MAP3K7CL: variants seen among roughly 807,000 people sequenced by gnomAD.
MAP3K7CL encodes the protein MAP3K7 C-terminal-like protein.
MAP3K7CL carries 16 observed loss-of-function variants against 18.6 expected under a neutral mutation model. That is an observed-to-expected ratio of 0.86 (90% CI 0.58 to 1.31). The LOEUF (loss-of-function observed/expected upper bound fraction) is 1.31, where lower values mean the gene tolerates loss of function less well. Among genes scored for constraint, MAP3K7CL ranks in the 50% most tolerant of loss-of-function variants. MAP3K7CL has a pLI of 0.00. For synonymous variants in MAP3K7CL, 65 were observed against 66.8 expected, an observed-to-expected ratio of 0.97 and a Z score of 0.13; for missense variants, 163 against 174.4, an observed-to-expected ratio of 0.93 and a Z score of 0.37.
intron 4 of MAP3K7CL, among the ~76,000 whole-genome samples, chr21:29,115,016 G>A (rs1182765161): frequency 2.0e-5 from 3 of 152,172 alleles, no homozygotes; most frequent in Non-Finnish European, 2.9e-5. Flanking sequence ...ATCCTCAGCT[G>A]ATGCAAACCA....
chr21:29,112,263 A>G (rs1394417538), intron 4 of MAP3K7CL, among the ~76,000 whole-genome samples: 1 of 152,144 alleles, frequency 6.6e-6, no homozygotes. Flanking sequence ...ACGCCATTGC[A>G]CTCCAGCCTG....
chr21:29,102,760 T>A (rs1216769204), intron 4 of MAP3K7CL: 1 of 152,144 alleles, frequency 6.6e-6, no homozygotes, highest in East Asian at 1.9e-4. Context: ...TATAATTAGG[T>A]CATAGAATGC....
intron 1 of MAP3K7CL, among the ~76,000 whole-genome samples, chr21:29,087,708 C>T (rs559073672): frequency 2.0e-5 from 3 of 151,562 alleles, no homozygotes; most frequent in African/African-American, 7.3e-5. Context: ...ATTCTCTTGC[C>T]TCAGCCTCCT....
At chr21:29,091,697 G>T in exon 3 of MAP3K7CL, 1 of 702,164 alleles carries the variant, frequency 1.4e-6, no homozygotes, top group Non-Finnish European at 2.6e-6. Flanking sequence ...TGCCCAGGTT[G>T]GTCTTGAACA....
intron 4 of MAP3K7CL, chr21:29,109,101 A>C (rs1408039604): frequency 2.6e-6 from 4 of 1,535,174 alleles, no homozygotes; most frequent in Non-Finnish European, 3.5e-6. Flanking sequence ...TTCATTTCCA[A>C]ATTATGAAGA....
intron 1 of MAP3K7CL, among the ~76,000 whole-genome samples, chr21:29,088,838 T>A (rs2146492332): frequency 6.6e-6 from 1 of 152,300 alleles, no homozygotes; most frequent in South Asian, 2.1e-4. Context: ...GGTGTGACTG[T>A]ACCTGTGAGT....
chr21:29,137,612 A>G (rs2086914095), intron 2 of MAP3K7CL, among the ~76,000 whole-genome samples: 1 of 152,168 alleles, frequency 6.6e-6, no homozygotes, highest in African/African-American at 2.4e-5. Context: ...GCAAAACTTA[A>G]GAGTCAGGAA....
intron 2 of MAP3K7CL, among the ~76,000 whole-genome samples, chr21:29,142,363 G>T (rs1490401057): frequency 6.6e-6 from 1 of 152,154 alleles, no homozygotes; most frequent in Non-Finnish European, 1.5e-5. Flanking sequence ...CACTGCGCCT[G>T]GACAGAAGAT....
chr21:29,091,500 G>T lies in MAP3K7CL; in HGVS notation c.58-1G>T. 1.5e-6 allele frequency: 1 copy of T among 688,826 alleles called. No individual in the cohort carries two copies. The highest frequency in any genetic ancestry group is 1.5e-5 in the South Asian group (1 of 65,286). The allele number at this position is 688,826 out of a possible 1,614,324, so 42.7% of individuals were successfully genotyped here. Reference sequence around the variant, plus strand: ...TTTTCTTTTTTATTTTTTCAATACAGCCCCTTGCTCTGTCACGCAGGCTGG... The same window carrying T: ...TTTTCTTTTTTATTTTTTCAATACATCCCCTTGCTCTGTCACGCAGGCTGG... On this transcript the variant is annotated splice_acceptor_variant, in intron 1 of 6. Transcript: ENST00000286791. LOFTEE classifies it high-confidence loss of function.
At chr21:29,170,103 A>G (rs1372655433) in intron 4 of MAP3K7CL, among the ~76,000 whole-genome samples, 1 of 152,254 alleles carries the variant, frequency 6.6e-6, no homozygotes, top group African/African-American at 2.4e-5. Flanking sequence ...ATCTATTTAT[A>G]AGATTGTTTT....
chr21:29,090,250 G>A (rs1037539523), intron 1 of MAP3K7CL, among the ~76,000 whole-genome samples: 3 of 152,156 alleles, frequency 2.0e-5, no homozygotes, highest in African/African-American at 7.2e-5. Flanking sequence ...TGTTTTATAA[G>A]ATTAAAAGAG....
chr21:29,136,897 GATTTA>G (rs1156421920), intron 2 of MAP3K7CL, among the ~76,000 whole-genome samples: 2 of 152,170 alleles, frequency 1.3e-5, no homozygotes, highest in African/African-American at 4.8e-5. Flanking sequence ...TTCCTGAGAT[GATTTA>G]GTGTAGAGGT....
At chr21:29,115,093 C>T (rs2832189) in intron 4 of MAP3K7CL, among the ~76,000 whole-genome samples, 67,282 of 152,012 alleles carry the variant, frequency 0.44, 15,162 homozygotes, top group East Asian at 0.64. Context: ...TAAGGCAGTG[C>T]AGAGTGCTTC....
chr21:29,137,809 T>A (rs2086917982), intron 2 of MAP3K7CL, among the ~76,000 whole-genome samples: 1 of 152,116 alleles, frequency 6.6e-6, no homozygotes. Context: ...ATCTTCAAAG[T>A]TCAGCAAGGG....
intron 4 of MAP3K7CL, among the ~76,000 whole-genome samples, chr21:29,095,355 C>T (rs995988072): frequency 6.6e-6 from 1 of 152,034 alleles, no homozygotes; most frequent in Non-Finnish European, 1.5e-5. Flanking sequence ...GAGGCAGGAG[C>T]CTTTTGTGTG....
chr21:29,096,709 A>C (rs1181448941), intron 4 of MAP3K7CL, among the ~76,000 whole-genome samples: 1 of 152,226 alleles, frequency 6.6e-6, no homozygotes, highest in Admixed American at 6.5e-5. Context: ...ATAGAAGCTT[A>C]TGTATAAAAG....
intron 1 of MAP3K7CL, among the ~76,000 whole-genome samples, chr21:29,078,014 T>C (rs1272541370): frequency 6.6e-6 from 1 of 152,218 alleles, no homozygotes; most frequent in African/African-American, 2.4e-5. Context: ...GTTTTTTTCA[T>C]TTTTTGTTTG....
intron 1 of MAP3K7CL, among the ~76,000 whole-genome samples, chr21:29,090,297 T>A (rs983600059): frequency 6.6e-6 from 1 of 152,200 alleles, no homozygotes; most frequent in South Asian, 2.1e-4. Context: ...GCACAACTTC[T>A]CTTTTCTTTC....
chr21:29,095,141 TAAA>T (rs56280623), intron 4 of MAP3K7CL, among the ~76,000 whole-genome samples: 10 of 136,044 alleles, frequency 7.4e-5, no homozygotes, highest in African/African-American at 8.3e-5. Flanking sequence ...CTCATTCATT[TAAA>T]AAAAAAAAAA....
Sources: gnomAD v4.1 joint callset for allele counts (sites outside exome capture counted in the v4.1 genomes callset) on GRCh38, gnomAD v4.1.1 for gene constraint, MANE v1.5 for transcripts, NCBI Gene and HGNC (gene_info 2026-07-23, HGNC 2026-07-21) for gene names.